PREX1: variants seen among roughly 807,000 people sequenced by gnomAD.
PREX1 encodes the protein phosphatidylinositol 3,4,5-trisphosphate-dependent Rac exchanger 1 protein.
Under a neutral mutation model 198.3 loss-of-function variants are expected in PREX1, and 41 were observed. That is an observed-to-expected ratio of 0.21 (90% CI 0.16 to 0.27). The LOEUF (loss-of-function observed/expected upper bound fraction) is 0.27, where lower values mean the gene tolerates loss of function less well. Ranked by LOEUF, PREX1 falls within the 10% of genes least tolerant of loss-of-function variation. The pLI is 1.00. For synonymous variants in PREX1, 843 were observed against 887.2 expected, an observed-to-expected ratio of 0.95 and a Z score of 0.89; for missense variants, 1,620 against 2,200.7, an observed-to-expected ratio of 0.74 and a Z score of 5.28.
At chr20:48,797,235 C>T (rs1324019510) in intron 1 of PREX1, among the ~76,000 whole-genome samples, 3 of 152,026 alleles carry the variant, frequency 2.0e-5, no homozygotes, top group Non-Finnish European at 2.9e-5. Context: ...GGTCCAGCCC[C>T]GCACCACAAC....
At chr20:48,669,670 A>G (rs892467388) in intron 14 of PREX1, among the ~76,000 whole-genome samples, 1 of 152,052 alleles carries the variant, frequency 6.6e-6, no homozygotes, top group African/African-American at 2.4e-5. Context: ...GTCTCTGTCT[A>G]TAGTGGTGGG....
chr20:48,842,356 C>G, the PREX1 span, among the ~76,000 whole-genome samples: 1 of 152,106 alleles, frequency 6.6e-6, no homozygotes, highest in East Asian at 1.9e-4. Flanking sequence ...GCTCTCAGAG[C>G]AGCTCTAAAA....
At chr20:48,700,958 C>T (rs2089870526) in intron 6 of PREX1, 72 bp from the exon 7 acceptor site, 5 of 1,595,010 alleles carry the variant, frequency 3.1e-6, no homozygotes, top group Non-Finnish European at 3.4e-6. Context: ...GAGACAGAAC[C>T]TACTACCACC....
Position 48,625,675 on chromosome 20 carries a change from TG to T in PREX1, c.*209del. The T allele has an allele frequency of 1.7e-6, 1 of 578,096 alleles. No homozygotes were observed. Among genetic ancestry groups the T allele is most frequent in the Non-Finnish European group, 2.9e-6 (1 of 342,826 alleles). The allele number at this position is 578,096 out of a possible 1,614,324, so 35.8% of individuals were successfully genotyped here. On this transcript the variant is annotated 3_prime_UTR_variant, in exon 40 of 40. Coordinates refer to ENST00000371941, the MANE Select transcript of PREX1 (RefSeq NM_020820.4). ...CAGCTTCTGGCAGGCGTGTGAAGAATGGGCCGGCCCAGGGCCAATCAGCCAG... is the reference window on the plus strand; with the variant it reads ...CAGCTTCTGGCAGGCGTGTGAAGAATGGCCGGCCCAGGGCCAATCAGCCAG...
chr20:48,762,294 T>A (rs1292234600), intron 1 of PREX1, among the ~76,000 whole-genome samples: 3 of 152,188 alleles, frequency 2.0e-5, no homozygotes, highest in Admixed American at 6.5e-5. Context: ...AATGGGCTCA[T>A]CAGAGTGGGA....
At chr20:48,843,141 G>A in the PREX1 span, among the ~76,000 whole-genome samples, 9 of 152,120 alleles carry the variant, frequency 5.9e-5, no homozygotes, top group Non-Finnish European at 1.0e-4. Context: ...AAATTGCTTA[G>A]TTTCCGTATT....
chr20:48,712,189 C>T (rs561760750), intron 5 of PREX1, among the ~76,000 whole-genome samples: 1 of 152,320 alleles, frequency 6.6e-6, no homozygotes, highest in African/African-American at 2.4e-5. Flanking sequence ...ATTACTTTGC[C>T]TCCCAATGGC....
At chr20:48,702,340 C>T (rs1360382982) in intron 6 of PREX1, among the ~76,000 whole-genome samples, 1 of 152,146 alleles carries the variant, frequency 6.6e-6, no homozygotes, top group Non-Finnish European at 1.5e-5. Flanking sequence ...AGAGAGATCC[C>T]AAAGTCCAAA....
At chr20:48,701,300 C>T (rs1438954798) in intron 6 of PREX1, among the ~76,000 whole-genome samples, 8 of 152,126 alleles carry the variant, frequency 5.3e-5, no homozygotes, top group African/African-American at 1.7e-4. Flanking sequence ...CAACCTCCGC[C>T]GCTTGGGTTC....
At chr20:48,824,755 C>A (rs2090501359) in intron 1 of PREX1, among the ~76,000 whole-genome samples, 1 of 152,128 alleles carries the variant, frequency 6.6e-6, no homozygotes, top group African/African-American at 2.4e-5. Context: ...CAGAGCCTTG[C>A]ACTTGGATTG....
chr20:48,863,548 T>C, the PREX1 span, among the ~76,000 whole-genome samples: 3 of 150,878 alleles, frequency 2.0e-5, no homozygotes, highest in Non-Finnish European at 3.0e-5. Context: ...GAATGTCATA[T>C]AGTTGGAGCC....
At chr20:48,845,702 CAA>C in the PREX1 span, among the ~76,000 whole-genome samples, 590 of 102,976 alleles carry the variant, frequency 5.7e-3, 2 homozygotes, top group African/African-American at 0.016. Context: ...ACCTTGTTTC[CAA>C]AAAAAAAAAA....
chr20:48,811,628 C>CACA (rs1432726159), intron 1 of PREX1, among the ~76,000 whole-genome samples: 5,271 of 127,672 alleles, frequency 0.041, 171 homozygotes, highest in African/African-American at 0.074. Flanking sequence ...ACACACCCCC[C>CACA]CACACACACA....
chr20:48,688,981 G>T (rs1419434943), intron 9 of PREX1, among the ~76,000 whole-genome samples, 177 bp from the exon 10 acceptor site: 1 of 152,194 alleles, frequency 6.6e-6, no homozygotes, highest in Non-Finnish European at 1.5e-5. Context: ...CGCTGCCCTA[G>T]GCACCTGCCA....
chr20:48,776,632 T>G (rs2090263725), intron 1 of PREX1, among the ~76,000 whole-genome samples: 1 of 152,224 alleles, frequency 6.6e-6, no homozygotes, highest in African/African-American at 2.4e-5. Flanking sequence ...GCTGGAGGCC[T>G]CTACTTTGCT....
chr20:48,810,995 C>T (rs1416767779), intron 1 of PREX1, among the ~76,000 whole-genome samples: 1 of 152,138 alleles, frequency 6.6e-6, no homozygotes, highest in East Asian at 1.9e-4. Flanking sequence ...GGGGTGGAGA[C>T]TGTGGCTAAA....
rs1282957067 is a variant in PREX1, at chr20:48,624,639, G to C, written c.*1246C>G. The C allele has an allele frequency of 1.3e-5, 2 of 152,312 alleles. No homozygotes were observed. The highest frequency in any genetic ancestry group is 2.9e-5 in the Non-Finnish European group (2 of 68,102). 9.4% of individuals were successfully genotyped at this position (152,312 alleles called of 1,614,324 possible). ...GACCTTTCCCTGAAGGCATACCGAA[G>C]CTGGGGGGACAAACTGCCGAGGGGG... On this transcript the variant is annotated 3_prime_UTR_variant, in exon 40 of 40. Transcript: ENST00000371941.
At chr20:48,838,952 G>A in the PREX1 span, among the ~76,000 whole-genome samples, 2 of 141,720 alleles carry the variant, frequency 1.4e-5, no homozygotes, top group Non-Finnish European at 3.0e-5. Flanking sequence ...CTTGAAACCA[G>A]GAGGTGGAGG....
Position 48,628,247 on chromosome 20 carries a change from AGAG to A in PREX1, c.4767-287_4767-285del, listed in dbSNP as rs2089288462. On this transcript the variant is annotated intron_variant, in intron 37 of 39. Coordinates refer to ENST00000371941, the MANE Select transcript of PREX1 (RefSeq NM_020820.4). The stretch of plus-strand genomic sequence containing the variant: ...CTGTGACATTCCCAGTGCCTCGCTC[AGAG>A]GAGGACTCGGTAAATATCTGCTGAG... 2.0e-5 allele frequency among the ~76,000 whole-genome samples: 3 copies of A among 152,328 alleles called. No homozygotes were observed. In the South Asian group the frequency reaches 6.2e-4, roughly 32 times the overall value.
Sources: allele counts gnomAD v4.1 joint callset (sites outside exome capture counted in the v4.1 genomes callset), GRCh38; gene constraint gnomAD v4.1.1; transcripts MANE v1.5; gene names NCBI Gene and HGNC (gene_info 2026-07-23, HGNC 2026-07-21).